The following PAK6 variants were observed in gnomAD, a reference collection of about 807,000 sequenced individuals.
PAK6 encodes p21 (RAC1) activated kinase 6.
A neutral mutation model predicts 60.8 loss-of-function variants in PAK6; 33 were observed. The ratio of observed to expected loss-of-function variants is 0.54; its 90% CI spans 0.41 to 0.73. The LOEUF (loss-of-function observed/expected upper bound fraction) is 0.73, where lower values mean the gene tolerates loss of function less well. PAK6 is among the 30% of genes least tolerant of loss of function. The pLI, the probability that PAK6 is intolerant of heterozygous loss-of-function variation, is 0.00. For missense variants in PAK6, 845 were observed against 904.1 expected, an observed-to-expected ratio of 0.93 and a Z score of 0.84; for synonymous variants, 404 against 378.5, an observed-to-expected ratio of 1.07 and a Z score of -0.78.
intron 4 of PAK6, among the ~76,000 whole-genome samples, chr15:40,265,536 C>T (rs2039101327): frequency 1.3e-5 from 2 of 152,140 alleles, no homozygotes; most frequent in Admixed American, 6.5e-5. Context: ...GCCCCGCCCC[C>T]TGAGCTCCAG....
At chr15:40,273,098 A>G (rs2039356167) in intron 7 of PAK6, 99 bp downstream of exon 7, 1 of 1,469,688 alleles carries the variant, frequency 6.8e-7, no homozygotes, top group Non-Finnish European at 9.2e-7. Context: ...AAGACTTGGG[A>G]TGCCTGGGCT....
chr15:40,259,786 C>CAAAAAAAAAAA (rs10670123), intron 3 of PAK6: 1 of 62,466 alleles, frequency 1.6e-5, no homozygotes, highest in Non-Finnish European at 3.0e-5. Flanking sequence ...AACGCTGTCT[C>CAAAAAAAAAAA]AAAAAAAAAA....
chr15:40,252,768 C>T (rs2038718378), intron 2 of PAK6: 3 of 1,301,266 alleles, frequency 2.3e-6, no homozygotes, highest in Non-Finnish European at 3.0e-6. Flanking sequence ...TTCCTGGGTG[C>T]CCATGCCCCG....
intron 3 of PAK6, among the ~76,000 whole-genome samples, chr15:40,256,666 A>G (rs1265640398): frequency 1.3e-5 from 2 of 152,182 alleles, no homozygotes; most frequent in African/African-American, 2.4e-5. Flanking sequence ...AGTTCACATC[A>G]GGTCCTGGGT....
At chr15:40,249,355 GACCTTCATCTGTTCTTTA>G in intron 2 of PAK6, among the ~76,000 whole-genome samples, 1 of 152,268 alleles carries the variant, frequency 6.6e-6, no homozygotes, top group East Asian at 1.9e-4. Flanking sequence ...GTAATTATGA[GACCTTCATCTGTTCTTTA>G]ACCACTCCGA....
intron 2 of PAK6, among the ~76,000 whole-genome samples, chr15:40,240,905 G>T (rs1290242017): frequency 6.6e-6 from 1 of 152,166 alleles, no homozygotes; most frequent in Non-Finnish European, 1.5e-5. Flanking sequence ...AGAGGGAGAG[G>T]TGCTTGTTTC....
Position 40,267,384 on chromosome 15 carries a change from G to A in PAK6, c.858+889G>A, listed in dbSNP as rs919773099. Reference sequence around the variant, plus strand: ...CAGAGAAAGTTCTGGGCGGCCGCGCGTGGTGGCTCACGTCTGTAGTCCCAG... The same window carrying A: ...CAGAGAAAGTTCTGGGCGGCCGCGCATGGTGGCTCACGTCTGTAGTCCCAG... On this transcript the variant is annotated intron_variant, in intron 5 of 10. Transcript: ENST00000560346. Among the ~76,000 whole-genome samples, 6 of 152,334 alleles carry A rather than the reference G, an allele frequency of 3.9e-5. No homozygotes were observed. The East Asian group carries it at 5.8e-4, about 15-fold the overall frequency.
At chr15:40,273,562 G>C (rs764999102) in exon 9 of PAK6, 3 of 1,613,984 alleles carry the variant, frequency 1.9e-6, no homozygotes, top group Admixed American at 3.3e-5. Flanking sequence ...TGAAGCTCTC[G>C]GACTTCGGAT....
rs2277561 is a variant in PAK6 at position 40,249,952 on chromosome 15, T to C, written c.-117-3226T>C. Among the ~76,000 whole-genome samples, 161 of 152,366 alleles carry C rather than the reference T, an allele frequency of 1.1e-3. 2 individuals carry two copies. In the East Asian group the frequency reaches 0.028, roughly 27 times the overall value. Reference sequence around the variant, plus strand: ...TCTTCCAGAGATCCTACCCAATTTGTAGAATGGGAGTGCCTGGACAATTCC... The same window carrying C: ...TCTTCCAGAGATCCTACCCAATTTGCAGAATGGGAGTGCCTGGACAATTCC... On this transcript the variant is annotated intron_variant, in intron 2 of 10. Transcript: ENST00000560346.
At chr15:40,268,378 G>C (rs998069761) in intron 5 of PAK6, among the ~76,000 whole-genome samples, 8 of 152,210 alleles carry the variant, frequency 5.3e-5, no homozygotes, top group Non-Finnish European at 1.0e-4. Context: ...TGGTACCCTC[G>C]GTTGGAATAA....
At chr15:40,257,683 C>T (rs892946833) in intron 3 of PAK6, among the ~76,000 whole-genome samples, 3 of 152,212 alleles carry the variant, frequency 2.0e-5, no homozygotes, top group East Asian at 3.8e-4. Context: ...TAACGGCAGG[C>T]ATCCTCTGTA....
chr15:40,269,874 C>CA (rs2039253728), intron 5 of PAK6, among the ~76,000 whole-genome samples: 1 of 152,262 alleles, frequency 6.6e-6, no homozygotes, highest in Non-Finnish European at 1.5e-5. Context: ...ACCCCTACCT[C>CA]AGCCTGTCCA....
At chr15:40,265,035 A>G (rs2039083784) in intron 4 of PAK6, 46 bp downstream of exon 4, 1 of 1,560,572 alleles carries the variant, frequency 6.4e-7, no homozygotes, top group South Asian at 1.1e-5. Context: ...CCCAGTACTC[A>G]GACAACCATG....
intron 9 of PAK6, 35 bp downstream of exon 9, chr15:40,273,711 A>G: frequency 1.9e-6 from 3 of 1,604,228 alleles, no homozygotes; most frequent in Non-Finnish European, 2.6e-6. Context: ...ACCTCCCAAA[A>G]GCAACTTGGC....
At chr15:40,266,145 C>A (rs759346423) in exon 5 of PAK6, 1 of 1,609,482 alleles carries the variant, frequency 6.2e-7, no homozygotes, top group Admixed American at 1.7e-5. Flanking sequence ...ACGGGTCCTG[C>A]CCAATGGGCT....
intron 3 of PAK6, among the ~76,000 whole-genome samples, chr15:40,258,173 C>G (rs2038889523): frequency 6.6e-6 from 1 of 152,220 alleles, no homozygotes; most frequent in African/African-American, 2.4e-5. Context: ...GCCCCAGGCC[C>G]CCTGGCCTCT....
At chr15:40,259,276 T>C (rs2038919998) in intron 3 of PAK6, 3 of 152,126 alleles carry the variant, frequency 2.0e-5, no homozygotes, top group Non-Finnish European at 4.4e-5. Flanking sequence ...CTTGGAGACA[T>C]GGATGGGAAA....
chr15:40,249,398 A>G (rs1465823803), intron 2 of PAK6, among the ~76,000 whole-genome samples: 3 of 152,222 alleles, frequency 2.0e-5, no homozygotes, highest in African/African-American at 4.8e-5. Context: ...CAGTTTCCTC[A>G]TTTGTAAAAT....
At chr15:40,262,045 T>G (rs1369051309) in intron 3 of PAK6, among the ~76,000 whole-genome samples, 1 of 150,246 alleles carries the variant, frequency 6.7e-6, no homozygotes, top group African/African-American at 2.5e-5. Flanking sequence ...AGAGGGCTGT[T>G]CTGGGGTGGG....
Sources: gnomAD v4.1 joint callset for allele counts (sites outside exome capture counted in the v4.1 genomes callset) on GRCh38, gnomAD v4.1.1 for gene constraint, MANE v1.5 for transcripts, NCBI Gene and HGNC (gene_info 2026-07-23, HGNC 2026-07-21) for gene names.